Variants in SPIDR observed in about 807,000 individuals in gnomAD.
SPIDR encodes scaffold protein involved in DNA repair, also known as DNA repair-scaffolding protein.
A neutral mutation model predicts 104.6 loss-of-function variants in SPIDR; 93 were observed. The observed-to-expected ratio is 0.89, with a 90% CI of 0.75 to 1.06. SPIDR has a LOEUF of 1.06. Ranked by LOEUF, SPIDR falls within the 50% of genes least tolerant of loss-of-function variation. The probability of loss-of-function intolerance (pLI) is 0.00; values close to 1 mark genes in which losing one functional copy is unlikely to be tolerated. For synonymous variants in SPIDR, 431 were observed against 416.9 expected (o/e 1.03, Z -0.41); for missense variants, 1,154 against 1,111.2 (o/e 1.04, Z -0.55).
At chr8:47,554,280 T>C (rs1206631931) in intron 8 of SPIDR, among the ~76,000 whole-genome samples, 2 of 152,182 alleles carry the variant, frequency 1.3e-5, no homozygotes, top group Admixed American at 6.5e-5. Flanking sequence ...TTCAAAGCTG[T>C]CAGACAGGTA....
chr8:47,617,733 G>T (rs1426658969), intron 10 of SPIDR, among the ~76,000 whole-genome samples: 1 of 152,206 alleles, frequency 6.6e-6, no homozygotes, highest in Admixed American at 6.5e-5. Context: ...AACAGCTCCT[G>T]TCCTAAAATA....
intron 5 of SPIDR, among the ~76,000 whole-genome samples, chr8:47,297,563 C>T (rs1316065357): frequency 2.6e-5 from 4 of 152,110 alleles, no homozygotes; most frequent in African/African-American, 4.8e-5. Flanking sequence ...CCCATTAACT[C>T]GTCATTTAAC....
At chr8:47,635,345 A>G (rs1232413645) in intron 10 of SPIDR, among the ~76,000 whole-genome samples, 1 of 151,874 alleles carries the variant, frequency 6.6e-6, no homozygotes, top group African/African-American at 2.4e-5. Flanking sequence ...GTCTCAAAAA[A>G]ATAAAATAAA....
chr8:47,309,282 G>A lies in SPIDR; in HGVS notation c.525+15252G>A, dbSNP rs587773758. Among the ~76,000 whole-genome samples the A allele has an allele frequency of 2.8e-3, 419 of 152,224 alleles. 1 individual carries two copies. The highest frequency in any genetic ancestry group is 9.8e-3 in the African/African-American group (409 of 41,536). On this transcript the variant is annotated intron_variant, in intron 5 of 19. Transcript: ENST00000297423. ...TGTACTGAAGTCTATATTCCAGTGTGTTCTTATGGTAAAAAGAAAAGGTTG... is the reference window on the plus strand; with the variant it reads ...TGTACTGAAGTCTATATTCCAGTGTATTCTTATGGTAAAAAGAAAAGGTTG...
chr8:47,351,825 C>T (rs1388943834), intron 5 of SPIDR, among the ~76,000 whole-genome samples: 1 of 152,124 alleles, frequency 6.6e-6, no homozygotes, highest in African/African-American at 2.4e-5. Flanking sequence ...TATTCAAATA[C>T]TACATCATTT....
intron 5 of SPIDR, among the ~76,000 whole-genome samples, chr8:47,380,418 C>T (rs940306166): frequency 1.3e-5 from 2 of 152,096 alleles, no homozygotes; most frequent in Admixed American, 1.3e-4. Flanking sequence ...CTCGGAGGAC[C>T]GTGTTGCTGG....
intron 7 of SPIDR, among the ~76,000 whole-genome samples, chr8:47,427,404 A>T (rs2066593810): frequency 6.6e-6 from 1 of 152,008 alleles, no homozygotes; most frequent in African/African-American, 2.4e-5. Context: ...AGTGATAGAA[A>T]ACTCCACCCT....
chr8:47,295,973 C>T (rs937252606), intron 5 of SPIDR, among the ~76,000 whole-genome samples: 23 of 152,156 alleles, frequency 1.5e-4, no homozygotes, highest in African/African-American at 5.3e-4. Context: ...TTTTGATAGT[C>T]TTTCTAACAG....
chr8:47,370,510 G>A lies in SPIDR; in HGVS notation c.526-25866G>A, dbSNP rs924486238. Among the ~76,000 whole-genome samples, 9 of 145,660 alleles carry A rather than the reference G, an allele frequency of 6.2e-5. No individual in the cohort carries two copies. The East Asian group carries it at 1.6e-3, about 26-fold the overall frequency. Reference sequence around the variant, plus strand: ...CGCCCAGGCTGGAATGCAATGGTGCGATCTGGGCTCACTGCAACCTCTGCC... The same window carrying A: ...CGCCCAGGCTGGAATGCAATGGTGCAATCTGGGCTCACTGCAACCTCTGCC... On this transcript the variant is annotated intron_variant, in intron 5 of 19. Coordinates refer to ENST00000297423, the MANE Select transcript of SPIDR (RefSeq NM_001080394.4).
Position 47,303,813 on chromosome 8 carries a change from AT to A in SPIDR, c.525+9785del, listed in dbSNP as rs1255045293. ...CATCAAAGATGACATGGTAGCTTGGATTACAGGCGCCCGTCACCATGCCCAA... is the reference window on the plus strand; with the variant it reads ...CATCAAAGATGACATGGTAGCTTGGATACAGGCGCCCGTCACCATGCCCAA... On this transcript the variant is annotated intron_variant, in intron 5 of 19. Coordinates refer to ENST00000297423, the MANE Select transcript of SPIDR (RefSeq NM_001080394.4). 3.3e-5 allele frequency among the ~76,000 whole-genome samples: 5 copies of A among 152,072 alleles called. No individual in the cohort carries two copies. In the East Asian group the frequency reaches 9.7e-4, roughly 29 times the overall value.
At chr8:47,570,647 C>A (rs2058401741) in intron 8 of SPIDR, among the ~76,000 whole-genome samples, 5 of 152,054 alleles carry the variant, frequency 3.3e-5, no homozygotes, top group Admixed American at 2.6e-4. Flanking sequence ...GGAGTATATG[C>A]AGATCATATA....
At chr8:47,463,143 G>A (rs1419438615) in intron 8 of SPIDR, among the ~76,000 whole-genome samples, 2 of 152,046 alleles carry the variant, frequency 1.3e-5, no homozygotes, top group Admixed American at 6.6e-5. Context: ...CGGATCATGA[G>A]GTCAGGAGAT....
At chr8:47,595,479 G>A (rs1224181899) in intron 8 of SPIDR, among the ~76,000 whole-genome samples, 1 of 85,546 alleles carries the variant, frequency 1.2e-5, no homozygotes, top group African/African-American at 5.0e-5. Context: ...TTCATTGTTT[G>A]GGCACTTTTT....
chr8:47,405,741 T>C (rs1159461311), intron 6 of SPIDR, among the ~76,000 whole-genome samples: 1 of 152,234 alleles, frequency 6.6e-6, no homozygotes, highest in Non-Finnish European at 1.5e-5. Context: ...AAAGAGTTAA[T>C]TTGGATATAG....
intron 8 of SPIDR, among the ~76,000 whole-genome samples, chr8:47,533,227 A>G (rs1413897765): frequency 6.6e-6 from 1 of 152,162 alleles, no homozygotes; most frequent in South Asian, 2.1e-4. Flanking sequence ...GAAGGAACAA[A>G]ATAATTTTTA....
intron 8 of SPIDR, among the ~76,000 whole-genome samples, chr8:47,525,378 A>G (rs185455723): frequency 6.0e-4 from 91 of 152,376 alleles, no homozygotes; most frequent in African/African-American, 1.9e-3. Context: ...CTTTCTTTCT[A>G]TGGTTCTAGC....
chr8:47,646,198 G>A (rs2070320949), intron 10 of SPIDR, among the ~76,000 whole-genome samples: 1 of 152,136 alleles, frequency 6.6e-6, no homozygotes, highest in Non-Finnish European at 1.5e-5. Context: ...TAAAAAATAT[G>A]AATTAAAATA....
chr8:47,432,581 TA>T (rs1758736637), intron 7 of SPIDR, among the ~76,000 whole-genome samples: 1 of 152,150 alleles, frequency 6.6e-6, no homozygotes, highest in African/African-American at 2.4e-5. Context: ...ATCAGAGGTA[TA>T]AACAAGAAGT....
Position 47,646,789 on chromosome 8 carries a change from G to A in SPIDR, c.1545-27012G>A, listed in dbSNP as rs1465133514. Among the ~76,000 whole-genome samples the A allele has an allele frequency of 1.2e-4, 18 of 152,058 alleles. No individual in the cohort carries two copies. In the South Asian group the frequency reaches 3.7e-3, roughly 32 times the overall value. ...GATGGAGGACGGGAGCTGGACAGAG[G>A]GAAATTTGTCACCATATACCTTTAA... On this transcript the variant is annotated intron_variant, in intron 10 of 19. Coordinates refer to ENST00000297423, the MANE Select transcript of SPIDR (RefSeq NM_001080394.4).
Sources: gnomAD v4.1 joint callset for allele counts (sites outside exome capture counted in the v4.1 genomes callset) on GRCh38, gnomAD v4.1.1 for gene constraint, MANE v1.5 for transcripts, NCBI Gene and HGNC (gene_info 2026-07-23, HGNC 2026-07-21) for gene names.